Variants in SNRK observed in about 807,000 individuals in gnomAD.
The protein encoded by SNRK is SNF-related serine/threonine-protein kinase.
In SNRK, 3 loss-of-function variants were observed where a neutral mutation model predicts 48.2. The ratio of observed to expected loss-of-function variants is 0.06; its 90% CI spans 0.03 to 0.16. The LOEUF (loss-of-function observed/expected upper bound fraction) is 0.16. Among genes scored for constraint, SNRK ranks in the 10% least tolerant of loss-of-function variants. SNRK has a pLI of 1.00. For synonymous variants in SNRK, 376 were observed against 366.1 expected, an observed-to-expected ratio of 1.03 and a Z score of -0.31; for missense variants, 627 against 976.0, an observed-to-expected ratio of 0.64 and a Z score of 4.76.
Position 43,306,011 on chromosome 3 carries a change from C to T in SNRK, c.589+2219C>T, listed in dbSNP as rs186049827. ...ATTGTAATGTTCCTTTTTCTTCCCC[C>T]CTTATGTCTTAAATATTGCATAATA... On this transcript the variant is annotated intron_variant, in intron 3 of 6. Transcript: ENST00000296088. Among the ~76,000 whole-genome samples, 362 of 152,012 alleles carry T rather than the reference C, an allele frequency of 2.4e-3. 1 individual carries two copies. Among genetic ancestry groups the T allele is most frequent in the African/African-American group, 8.3e-3 (344 of 41,444 alleles).
chr3:43,347,394 G>A lies in SNRK; in HGVS notation c.1135G>A (p.Ala379Thr). 2 of 1,611,204 alleles carry A rather than the reference G, an allele frequency of 1.2e-6. No individual in the cohort carries two copies. Among genetic ancestry groups the A allele is most frequent in the Non-Finnish European group, 1.7e-6 (2 of 1,178,524 alleles). ...VPQDLEDDLT[A>T]TPLSHATVPQ... ...CCAGGACCTTGAGGATGACCTCACG[G>A]CCACTCCTTTGTCCCACGCGACTGT... The change falls in exon 7 of 7, where the codon GCC (alanine) becomes ACC (threonine). Residue 379 changes from alanine to threonine, a missense_variant. By Grantham distance (58) the Ala-to-Thr change is moderately conservative. Around this residue, in one of 4 missense-constraint regions of SNRK, gnomAD observed 175 missense variants for 209.7 expected, o/e 0.83. Coordinates refer to ENST00000296088, the MANE Select transcript of SNRK (RefSeq NM_017719.5). The surrounding 1 kb of genome is among the most constrained non-coding windows in gnomAD (Gnocchi z 5.4).
At chr3:43,318,645 C>A (rs2091030476) in intron 3 of SNRK, among the ~76,000 whole-genome samples, 1 of 151,610 alleles carries the variant, frequency 6.6e-6, no homozygotes, top group Non-Finnish European at 1.5e-5. Context: ...AGCAAACTTT[C>A]TAACACAAAT....
chr3:43,296,414 G>GCATATATATATATATA lies in SNRK; in HGVS notation c.-168-3339_-168-3324dup, dbSNP rs1559458513. ...TTGTTTGTATTAGATGGATATACTG[G>GCATATATATATATATA]CATATATATATATATATATGTATAT... On this transcript the variant is annotated intron_variant, in intron 1 of 6. Coordinates refer to ENST00000296088, the MANE Select transcript of SNRK (RefSeq NM_017719.5). Among the ~76,000 whole-genome samples, 37 of 9,412 alleles carry GCATATATATATATATA rather than the reference G, an allele frequency of 3.9e-3. 1 individual carries two copies. In the South Asian group the frequency reaches 0.12, roughly 32 times the overall value. 6.2% of individuals were successfully genotyped at this position (9,412 alleles called of 152,430 possible).
At chr3:43,343,798 A>G (rs2125647893) in intron 6 of SNRK, among the ~76,000 whole-genome samples, 1 of 152,210 alleles carries the variant, frequency 6.6e-6, no homozygotes, top group South Asian at 2.1e-4. Context: ...TCCAAATCCA[A>G]CATGTATTAA....
intron 3 of SNRK, among the ~76,000 whole-genome samples, chr3:43,322,083 T>C (rs2091058097): frequency 1.3e-5 from 2 of 152,282 alleles, no homozygotes. Context: ...GCATAGAGAC[T>C]GATGCCCCCA....
intron 3 of SNRK, among the ~76,000 whole-genome samples, chr3:43,325,182 T>C (rs887710792): frequency 2.0e-5 from 3 of 152,258 alleles, no homozygotes; most frequent in African/African-American, 7.2e-5. Flanking sequence ...TTTTTTGTTT[T>C]TGAGACGGAG....
intron 1 of SNRK, among the ~76,000 whole-genome samples, chr3:43,291,412 G>A (rs761653708): frequency 6.6e-6 from 1 of 152,162 alleles, no homozygotes; most frequent in Non-Finnish European, 1.5e-5. Context: ...CAGTACAGGT[G>A]TTTAGGGGCC....
At chr3:43,331,071 GT>G (rs2125638483) in intron 3 of SNRK, among the ~76,000 whole-genome samples, 1 of 152,324 alleles carries the variant, frequency 6.6e-6, no homozygotes, top group East Asian at 1.9e-4. Flanking sequence ...GGTGTTTTAA[GT>G]TTAAATGGAA....
chr3:43,338,779 TA>T (rs2091210464), intron 4 of SNRK, among the ~76,000 whole-genome samples: 1 of 152,238 alleles, frequency 6.6e-6, no homozygotes, highest in South Asian at 2.1e-4. Flanking sequence ...TTACACTGAT[TA>T]TTTTTCATTT....
intron 3 of SNRK, among the ~76,000 whole-genome samples, chr3:43,319,234 A>G (rs186340812): frequency 2.6e-5 from 4 of 152,260 alleles, no homozygotes; most frequent in Non-Finnish European, 4.4e-5. Flanking sequence ...GTAATAAGAA[A>G]GTATTTCTAG....
intron 6 of SNRK, among the ~76,000 whole-genome samples, 196 bp downstream of exon 6, chr3:43,343,674 C>A (rs1220673098): frequency 4.6e-5 from 7 of 152,082 alleles, no homozygotes; most frequent in African/African-American, 1.7e-4. Context: ...GGGATGCCGT[C>A]CCCTTCTGGG....
At chr3:43,344,750 A>G (rs2091262420) in intron 6 of SNRK, among the ~76,000 whole-genome samples, 2 of 152,102 alleles carry the variant, frequency 1.3e-5, no homozygotes, top group South Asian at 4.2e-4. Context: ...GATGAGATAA[A>G]CCAGAGACTG....
chr3:43,348,028 G>A lies in SNRK; in HGVS notation c.1769G>A (p.Ser590Asn). ...GGGQSKPSNA[S>N]GGVDKASPSE... Reference sequence around the variant, plus strand: ...GGCCAGAGCAAGCCAAGCAATGCCAGTGGAGGGGTGGACAAGGCCAGCCCC... The same window carrying A: ...GGCCAGAGCAAGCCAAGCAATGCCAATGGAGGGGTGGACAAGGCCAGCCCC... The change falls in exon 7 of 7, where the codon AGT becomes AAT. Residue 590 changes from serine to asparagine, a missense_variant. This residue lies in a region of SNRK where 207 missense variants were observed against 234.3 expected (regional missense o/e 0.88). Transcript: ENST00000296088. The A allele has an allele frequency of 6.2e-7, 1 of 1,610,302 alleles. No individual in the cohort carries two copies. The highest frequency in any genetic ancestry group is 8.5e-7 in the Non-Finnish European group (1 of 1,178,038).
intron 3 of SNRK, among the ~76,000 whole-genome samples, chr3:43,308,371 A>G (rs1354376193): frequency 6.6e-6 from 1 of 152,226 alleles, no homozygotes; most frequent in Non-Finnish European, 1.5e-5. Context: ...TAGGACTTTC[A>G]TAGCTAGAGA....
At position 43,347,437 on chromosome 3, in the gene SNRK, G is replaced by A. The variant is rs752967293; in HGVS notation, c.1178G>A (p.Arg393Gln). The A allele has an allele frequency of 6.2e-6, 10 of 1,613,838 alleles. No homozygotes were observed. The highest frequency in any genetic ancestry group is 3.3e-5 in the South Asian group (3 of 91,072). The change falls in exon 7 of 7, where the codon CGG (arginine) becomes CAG (glutamine). Residue 393 changes from arginine (R) to glutamine (Q), a missense_variant. Arg to Gln is a conservative substitution (Grantham distance 43). This residue lies in a region of SNRK where 175 missense variants were observed against 209.7 expected (regional missense o/e 0.83). Transcript: ENST00000296088. The surrounding 1 kb of genome is among the most constrained non-coding windows in gnomAD (Gnocchi z 5.4). ...SHATVPQSPA[R>Q]AADSVLNGHR... Reference sequence around the variant, plus strand: ...GCGACTGTCCCTCAGTCTCCTGCTCGGGCTGCTGACAGTGTCCTCAATGGC... The same window carrying A: ...GCGACTGTCCCTCAGTCTCCTGCTCAGGCTGCTGACAGTGTCCTCAATGGC...
chr3:43,312,694 A>G lies in SNRK; in HGVS notation c.589+8902A>G, dbSNP rs968510300. Among the ~76,000 whole-genome samples, 6 of 152,344 alleles carry G rather than the reference A, an allele frequency of 3.9e-5. No homozygotes were observed. The South Asian group carries it at 1.2e-3, about 32-fold the overall frequency. ...TTCCAGATGACATGAATGTGTACAT[A>G]GACAATCTCATGGAATCCACAGAAA... On this transcript the variant is annotated intron_variant, in intron 3 of 6. Transcript: ENST00000296088.
rs374559287 is a variant in SNRK, at chr3:43,300,087, G to A, written c.-107+272G>A. Among the ~76,000 whole-genome samples, 5 of 152,186 alleles carry A rather than the reference G, an allele frequency of 3.3e-5. No individual in the cohort carries two copies. The East Asian group carries it at 7.7e-4, about 23-fold the overall frequency. ...CTGTTCTTAGCTATACAATTTAATT[G>A]TGGTTTCATAGACTATGGAAAAGGG... On this transcript the variant is annotated intron_variant, in intron 2 of 6. Coordinates refer to ENST00000296088, the MANE Select transcript of SNRK (RefSeq NM_017719.5).
At position 43,349,349 on chromosome 3, in the gene SNRK, CAA is replaced by C. The variant is rs2091304851; in HGVS notation, c.*796_*797del. The C allele has an allele frequency of 6.6e-6, 1 of 152,620 alleles. No homozygotes were observed. Among genetic ancestry groups the C allele is most frequent in the Non-Finnish European group, 1.5e-5 (1 of 68,030 alleles). 9.5% of individuals were successfully genotyped at this position (152,620 alleles called of 1,614,324 possible). The stretch of plus-strand genomic sequence containing the variant: ...GAGAGTGTATGTCTGTCTAACAGAA[CAA>C]AAAGATGCTCTGTGTAAATTCCTTC... On this transcript the variant is annotated 3_prime_UTR_variant, in exon 7 of 7. Transcript: ENST00000296088.
chr3:43,295,278 C>A (rs1200089346), intron 1 of SNRK, among the ~76,000 whole-genome samples: 1 of 152,158 alleles, frequency 6.6e-6, no homozygotes, highest in African/African-American at 2.4e-5. Flanking sequence ...TTACTTAGAG[C>A]AAATAAAGAT....
Sources: gnomAD v4.1 joint callset for allele counts (sites outside exome capture counted in the v4.1 genomes callset) on GRCh38, gnomAD v4.1.1 for gene constraint, gnomAD v4.1.1 regional missense constraint, Gnocchi (gnomAD v3.1) non-coding constraint, MANE v1.5 for transcripts, NCBI Gene and HGNC (gene_info 2026-07-23, HGNC 2026-07-21) for gene names.